The following CDH18 variants were observed in gnomAD, a reference collection of about 807,000 sequenced individuals.
CDH18 encodes cadherin-18.
CDH18 carries 31 observed loss-of-function variants against 67.9 expected under a neutral mutation model. The observed-to-expected ratio is 0.46, with a 90% CI of 0.34 to 0.62. The LOEUF (loss-of-function observed/expected upper bound fraction) is 0.62. Among genes scored for constraint, CDH18 ranks in the 20% least tolerant of loss-of-function variants. The pLI is 0.01. For synonymous variants in CDH18, 362 were observed against 347.2 expected, an observed-to-expected ratio of 1.04 and a Z score of -0.48; for missense variants, 890 against 975.5, an observed-to-expected ratio of 0.91 and a Z score of 1.17.
At chr5:19,709,563 T>C (rs759378794) in intron 5 of CDH18, among the ~76,000 whole-genome samples, 1 of 146,066 alleles carries the variant, frequency 6.8e-6, no homozygotes, top group Non-Finnish European at 1.5e-5. Flanking sequence ...GTGAAACTCT[T>C]TCAAAAAACA....
At chr5:19,856,746 C>T (rs1021676402) in intron 2 of CDH18, among the ~76,000 whole-genome samples, 3 of 151,748 alleles carry the variant, frequency 2.0e-5, no homozygotes, top group South Asian at 4.1e-4. Flanking sequence ...AGAGAAATTT[C>T]GGGAGAAAAC....
At chr5:20,515,250 C>T (rs1755287892) in intron 1 of CDH18, among the ~76,000 whole-genome samples, 1 of 150,884 alleles carries the variant, frequency 6.6e-6, no homozygotes, top group Non-Finnish European at 1.5e-5. Context: ...ATAAATCTTC[C>T]CAGTGGCAGA....
chr5:19,788,739 T>C (rs1048897146), intron 3 of CDH18, among the ~76,000 whole-genome samples: 12 of 152,230 alleles, frequency 7.9e-5, no homozygotes, highest in African/African-American at 2.9e-4. Flanking sequence ...TGAAGGATTA[T>C]GCCCTCCTTT....
intron 12 of CDH18, among the ~76,000 whole-genome samples, chr5:19,478,819 G>C (rs1048707850): frequency 6.6e-6 from 1 of 152,170 alleles, no homozygotes; most frequent in Admixed American, 6.5e-5. Flanking sequence ...CTCTGGGAGG[G>C]AGAGAGGATT....
chr5:20,288,020 A>G (rs1746815828), intron 1 of CDH18, among the ~76,000 whole-genome samples: 1 of 151,850 alleles, frequency 6.6e-6, no homozygotes, highest in South Asian at 2.1e-4. Flanking sequence ...GAAATGAAAC[A>G]CATCTGAACC....
intron 2 of CDH18, among the ~76,000 whole-genome samples, chr5:19,929,081 A>C (rs2150192683): frequency 6.6e-6 from 1 of 152,176 alleles, no homozygotes; most frequent in South Asian, 2.1e-4. Context: ...AAATTTTCTA[A>C]CTTTTCATAA....
At chr5:19,911,907 T>C (rs979718356) in intron 2 of CDH18, among the ~76,000 whole-genome samples, 1 of 152,146 alleles carries the variant, frequency 6.6e-6, no homozygotes, top group African/African-American at 2.4e-5. Context: ...CAGGGAACCA[T>C]GGAACAGCCT....
At chr5:19,917,463 G>A (rs975725967) in intron 2 of CDH18, among the ~76,000 whole-genome samples, 3 of 151,602 alleles carry the variant, frequency 2.0e-5, no homozygotes, top group African/African-American at 4.9e-5. Context: ...TTAGTTTCCT[G>A]CAATATGGTC....
chr5:19,871,528 T>G (rs948458420), intron 2 of CDH18, among the ~76,000 whole-genome samples: 1 of 152,206 alleles, frequency 6.6e-6, no homozygotes, highest in African/African-American at 2.4e-5. Context: ...TTCCAAACTT[T>G]TTTAGGATGT....
At chr5:19,556,681 T>G (rs1165785640) in intron 8 of CDH18, among the ~76,000 whole-genome samples, 2 of 152,000 alleles carry the variant, frequency 1.3e-5, no homozygotes, top group Non-Finnish European at 2.9e-5. Context: ...AAGAGAAATA[T>G]AGGAGTTTGG....
chr5:20,450,044 G>A (rs1750312710), intron 1 of CDH18, among the ~76,000 whole-genome samples: 1 of 151,448 alleles, frequency 6.6e-6, no homozygotes. Context: ...CATTTTTAAA[G>A]TATATTTTTC....
chr5:20,180,016 T>C (rs574601131), intron 2 of CDH18, among the ~76,000 whole-genome samples: 2 of 152,288 alleles, frequency 1.3e-5, no homozygotes, highest in East Asian at 3.9e-4. Flanking sequence ...TGCTCCTGAT[T>C]ATTGTAAATA....
intron 1 of CDH18, among the ~76,000 whole-genome samples, chr5:20,356,339 C>G (rs1194912196): frequency 6.6e-6 from 1 of 152,210 alleles, no homozygotes. Context: ...GCTGAGATCA[C>G]GCAACTGCAC....
chr5:19,972,976 T>C (rs1052120674), intron 2 of CDH18, among the ~76,000 whole-genome samples: 1 of 151,902 alleles, frequency 6.6e-6, no homozygotes. Flanking sequence ...GAAGTAATAG[T>C]CAATAATATT....
chr5:20,349,510 C>T (rs972133170), intron 1 of CDH18, among the ~76,000 whole-genome samples: 5 of 151,812 alleles, frequency 3.3e-5, no homozygotes, highest in African/African-American at 1.2e-4. Context: ...ATCCAGCAGG[C>T]GTTAAAGTTC....
rs574501127 is a variant in CDH18 at position 20,437,680 on chromosome 5, CAG to C, written c.-580+137780_-580+137781del. On this transcript the variant is annotated intron_variant, in intron 1 of 14. Transcript: ENST00000507958. ...ACGTTCTGCTGAAAGCAACACAATT[CAG>C]AGAGTTTGCATGTTTTTTAAGTACC... Among the ~76,000 whole-genome samples, 8 of 151,458 alleles carry C rather than the reference CAG, an allele frequency of 5.3e-5. No homozygotes were observed. In the South Asian group the frequency reaches 1.4e-3, roughly 27 times the overall value.
intron 3 of CDH18, among the ~76,000 whole-genome samples, chr5:19,779,371 A>G (rs970519552): frequency 6.6e-6 from 1 of 152,190 alleles, no homozygotes; most frequent in Non-Finnish European, 1.5e-5. Flanking sequence ...CATTAAGAAA[A>G]TTGAGTTAGT....
intron 8 of CDH18, among the ~76,000 whole-genome samples, chr5:19,559,107 T>C (rs1738983092): frequency 6.6e-6 from 1 of 152,186 alleles, no homozygotes; most frequent in African/African-American, 2.4e-5. Flanking sequence ...ATCTCACTAA[T>C]GTTCTATCAT....
chr5:20,090,259 G>T (rs184058377), intron 2 of CDH18, among the ~76,000 whole-genome samples: 1 of 152,268 alleles, frequency 6.6e-6, no homozygotes, highest in African/African-American at 2.4e-5. Flanking sequence ...AATGTGGGCA[G>T]GGCGCACTGG....
Sources: allele counts gnomAD v4.1 joint callset (sites outside exome capture counted in the v4.1 genomes callset), GRCh38; gene constraint gnomAD v4.1.1; transcripts MANE v1.5; gene names NCBI Gene and HGNC (gene_info 2026-07-23, HGNC 2026-07-21).